Variants in CADPS2 observed in about 807,000 individuals in gnomAD.
The protein encoded by CADPS2 is calcium dependent secretion activator 2, also known as calcium-dependent secretion activator 2.
A neutral mutation model predicts 172.5 loss-of-function variants in CADPS2; 93 were observed. That is an observed-to-expected ratio of 0.54 (90% CI 0.46 to 0.64). The LOEUF is 0.64. CADPS2 is among the 30% of genes least tolerant of loss of function. CADPS2 has a pLI of 0.00. For synonymous variants in CADPS2, 546 were observed against 555.2 expected (o/e 0.98, Z 0.23); for missense variants, 1,420 against 1,565.9 (o/e 0.91, Z 1.57).
intron 2 of CADPS2, among the ~76,000 whole-genome samples, chr7:122,725,030 G>C (rs1403938370): frequency 1.3e-5 from 2 of 152,034 alleles, no homozygotes; most frequent in Non-Finnish European, 2.9e-5. Flanking sequence ...TTTAAAAAGG[G>C]ATTTAAGAGT....
intron 7 of CADPS2, among the ~76,000 whole-genome samples, chr7:122,556,752 C>T (rs1327207500): frequency 6.6e-6 from 1 of 152,122 alleles, no homozygotes; most frequent in Non-Finnish European, 1.5e-5. Flanking sequence ...ACACTGAGTT[C>T]TTACTATGTG....
At chr7:122,394,445 C>A (rs2044788401) in intron 20 of CADPS2, among the ~76,000 whole-genome samples, 1 of 152,092 alleles carries the variant, frequency 6.6e-6, no homozygotes, top group Non-Finnish European at 1.5e-5. Context: ...GATGACAGTA[C>A]TATAGATTGT....
At chr7:122,620,428 G>A (rs941595941) in intron 5 of CADPS2, among the ~76,000 whole-genome samples, 6 of 152,096 alleles carry the variant, frequency 3.9e-5, no homozygotes, top group Non-Finnish European at 8.8e-5. Flanking sequence ...AGGTGTGTGT[G>A]TGTATGTGTG....
chr7:122,323,252 C>A (rs892416306), intron 29 of CADPS2, among the ~76,000 whole-genome samples: 1 of 152,040 alleles, frequency 6.6e-6, no homozygotes, highest in African/African-American at 2.4e-5. Flanking sequence ...AGCCCAAGAA[C>A]ACATTGGCTA....
intron 1 of CADPS2, among the ~76,000 whole-genome samples, chr7:122,800,085 C>T (rs1482063100): frequency 6.6e-6 from 1 of 152,176 alleles, no homozygotes; most frequent in African/African-American, 2.4e-5. Flanking sequence ...GGAAAAGTAG[C>T]ATTTACATAA....
At chr7:122,638,015 C>T (rs1200707418) in intron 3 of CADPS2, among the ~76,000 whole-genome samples, 2 of 152,166 alleles carry the variant, frequency 1.3e-5, no homozygotes, top group Admixed American at 1.3e-4. Flanking sequence ...TCTAACTCAG[C>T]CATGTAGCTC....
At chr7:122,501,325 A>C (rs2059181538) in intron 9 of CADPS2, among the ~76,000 whole-genome samples, 1 of 151,682 alleles carries the variant, frequency 6.6e-6, no homozygotes, top group Non-Finnish European at 1.5e-5. Context: ...AAGGATTTGA[A>C]GATATTACAT....
At chr7:122,552,082 GCACCTCTAACTGTCC>G (rs1223210157) in intron 8 of CADPS2, among the ~76,000 whole-genome samples, 1 of 152,154 alleles carries the variant, frequency 6.6e-6, no homozygotes, top group Non-Finnish European at 1.5e-5. Flanking sequence ...TTAGGTTAAA[GCACCTCTAACTGTCC>G]CTGTCCATAG....
chr7:122,512,275 C>A (rs1169663488), intron 9 of CADPS2, among the ~76,000 whole-genome samples: 1 of 152,048 alleles, frequency 6.6e-6, no homozygotes, highest in East Asian at 1.9e-4. Flanking sequence ...CCTTCCTTGG[C>A]ATTTTACTAT....
chr7:122,700,910 A>G (rs2085950531), intron 2 of CADPS2, among the ~76,000 whole-genome samples: 1 of 152,154 alleles, frequency 6.6e-6, no homozygotes, highest in South Asian at 2.1e-4. Context: ...ACATATCCAA[A>G]GTACTATCAT....
At chr7:122,344,081 C>A (rs1214233895) in intron 28 of CADPS2, among the ~76,000 whole-genome samples, 1 of 152,040 alleles carries the variant, frequency 6.6e-6, no homozygotes, top group Non-Finnish European at 1.5e-5. Flanking sequence ...TTTTGACCAC[C>A]CAAACTGACA....
At chr7:122,590,435 G>T (rs1473852283) in intron 6 of CADPS2, among the ~76,000 whole-genome samples, 1 of 151,874 alleles carries the variant, frequency 6.6e-6, no homozygotes, top group Non-Finnish European at 1.5e-5. Context: ...TTCTTCAAGT[G>T]TCAGAACATG....
intron 2 of CADPS2, among the ~76,000 whole-genome samples, chr7:122,731,387 A>G (rs1202219349): frequency 1.3e-5 from 2 of 151,804 alleles, no homozygotes; most frequent in Non-Finnish European, 2.9e-5. Context: ...ACTTTTCCAC[A>G]TGTCCACTGT....
At chr7:122,630,944 A>G (rs933466254) in intron 3 of CADPS2, among the ~76,000 whole-genome samples, 33 of 152,180 alleles carry the variant, frequency 2.2e-4, no homozygotes, top group African/African-American at 7.2e-4. Flanking sequence ...AAACAATTTT[A>G]ATTGATTAAT....
At chr7:122,587,320 G>C (rs2069886734) in intron 6 of CADPS2, among the ~76,000 whole-genome samples, 1 of 151,872 alleles carries the variant, frequency 6.6e-6, no homozygotes, top group African/African-American at 2.4e-5. Flanking sequence ...CTACGTCCAT[G>C]TGATCTCACT....
At chr7:122,735,418 C>T (rs1397177555) in intron 2 of CADPS2, among the ~76,000 whole-genome samples, 1 of 152,066 alleles carries the variant, frequency 6.6e-6, no homozygotes, top group East Asian at 1.9e-4. Context: ...CAGAAGAGAA[C>T]ATAATCCTCA....
intron 2 of CADPS2, chr7:122,698,443 T>G: frequency 6.2e-7 from 1 of 1,614,000 alleles, no homozygotes; most frequent in African/African-American, 1.3e-5. Flanking sequence ...TTCCGTGCCT[T>G]TTAAGTTACC....
chr7:122,527,026 A>C (rs1056609283), intron 8 of CADPS2, among the ~76,000 whole-genome samples: 12 of 152,174 alleles, frequency 7.9e-5, no homozygotes, highest in Non-Finnish European at 1.5e-4. Context: ...AAGGAAGTAA[A>C]TATTTTGCAA....
At chr7:122,734,388 A>AAAAAAAAAAAAAAAAAAAAAAAAG (rs2091976264) in intron 2 of CADPS2, among the ~76,000 whole-genome samples, 24 of 57,538 alleles carry the variant, frequency 4.2e-4, no homozygotes, top group Non-Finnish European at 6.1e-4. Context: ...AAAAAAAAAG[A>AAAAAAAAAAAAAAAAAAAAAAAAG]AAAAAAAAAA....
Sources: allele counts gnomAD v4.1 joint callset (sites outside exome capture counted in the v4.1 genomes callset), GRCh38; gene constraint gnomAD v4.1.1; transcripts MANE v1.5; gene names NCBI Gene and HGNC (gene_info 2026-07-23, HGNC 2026-07-21).